The following POLE2 variants were observed in gnomAD, a reference collection of about 807,000 sequenced individuals.
POLE2 encodes DNA polymerase epsilon 2, accessory subunit.
POLE2 carries 56 observed loss-of-function variants against 79.4 expected under a neutral mutation model. The ratio of observed to expected loss-of-function variants is 0.71; its 90% confidence interval spans 0.57 to 0.88. The LOEUF is 0.88. POLE2 is among the 40% of genes least tolerant of loss of function. The pLI is 0.00. For missense variants in POLE2, 598 were observed against 638.9 expected (o/e 0.94, Z 0.69); for synonymous variants, 212 against 214.0 (o/e 0.99, Z 0.08).
At chr14:49,671,460 AC>A (rs1885884321) in intron 5 of POLE2, among the ~76,000 whole-genome samples, 1 of 151,940 alleles carries the variant, frequency 6.6e-6, no homozygotes, top group African/African-American at 2.4e-5. Context: ...TACTAAAAAT[AC>A]AAAAAATTAG....
chr14:49,664,366 A>G (rs539095134), intron 9 of POLE2, among the ~76,000 whole-genome samples: 12 of 152,078 alleles, frequency 7.9e-5, no homozygotes, highest in African/African-American at 2.2e-4. Context: ...AAAAGAAAAA[A>G]AAAAAAAAGG....
intron 3 of POLE2, among the ~76,000 whole-genome samples, chr14:49,676,827 C>T: frequency 6.6e-6 from 1 of 152,208 alleles, no homozygotes; most frequent in Non-Finnish European, 1.5e-5. Flanking sequence ...AGGCACCTGA[C>T]CCCACCCTTG....
intron 13 of POLE2, 186 bp from the exon 14 acceptor site, chr14:49,654,400 C>A: frequency 1.8e-6 from 1 of 570,020 alleles, no homozygotes; most frequent in South Asian, 2.5e-5. Context: ...TAGAAAAGTT[C>A]TATATCTGCA....
At chr14:49,670,616 G>T (rs891144119) in intron 5 of POLE2, among the ~76,000 whole-genome samples, 1 of 152,200 alleles carries the variant, frequency 6.6e-6, no homozygotes, top group African/African-American at 2.4e-5. Context: ...ATGAGCAAGT[G>T]CTTCAAGGTA....
Position 49,664,683 on chromosome 14 carries a change from C to T in POLE2, c.634-9G>A, listed in dbSNP as rs1566548566. 6.4e-7 allele frequency: 1 copy of T among 1,553,012 alleles called. No homozygotes were observed. Among genetic ancestry groups the T allele is most frequent in the Non-Finnish European group, 8.9e-7 (1 of 1,125,420 alleles). On this transcript the variant is annotated splice_polypyrimidine_tract_variant and intron_variant, in intron 8 of 18. Coordinates refer to ENST00000216367, the MANE Select transcript of POLE2 (RefSeq NM_002692.4). ...AAACCACTATGGAACTGGTACACAA[C>T]AGTTGAGGAAAATAATTCTATTCTT... is the stretch of plus-strand genomic sequence containing the variant.
intron 7 of POLE2, among the ~76,000 whole-genome samples, chr14:49,665,765 G>A (rs1420890053): frequency 7.0e-6 from 1 of 143,754 alleles, no homozygotes; most frequent in Non-Finnish European, 1.5e-5. Context: ...TTACGTCATT[G>A]TAAAACAGGC....
chr14:49,684,702 G>A (rs965929006), intron 1 of POLE2: 3 of 150,090 alleles, frequency 2.0e-5, no homozygotes, highest in Admixed American at 6.7e-5. Flanking sequence ...CTGGGCACGC[G>A]GTGGCTCACG....
chr14:49,686,671 T>C (rs1887161776), intron 1 of POLE2, among the ~76,000 whole-genome samples: 1 of 152,216 alleles, frequency 6.6e-6, no homozygotes, highest in Non-Finnish European at 1.5e-5. Context: ...TGCTCTCTAT[T>C]GCACCCCCTT....
At chr14:49,643,701 G>A (rs1311118803) in intron 18 of POLE2, 31 bp from the exon 19 acceptor site, 4 of 1,184,046 alleles carry the variant, frequency 3.4e-6, no homozygotes, top group Admixed American at 2.1e-5. Flanking sequence ...TAAATATTTG[G>A]AAACCTAAGT....
At chr14:49,657,480 T>TG (rs1242561541) in intron 10 of POLE2, among the ~76,000 whole-genome samples, 1 of 151,804 alleles carries the variant, frequency 6.6e-6, no homozygotes, top group Non-Finnish European at 1.5e-5. Flanking sequence ...TCTCCCAGGC[T>TG]GGAGTGCAGT....
chr14:49,686,122 A>T (rs1422945736), intron 1 of POLE2, among the ~76,000 whole-genome samples: 1 of 152,190 alleles, frequency 6.6e-6, no homozygotes, highest in Non-Finnish European at 1.5e-5. Context: ...ATGGCCCCTA[A>T]TAATCCATTA....
intron 10 of POLE2, among the ~76,000 whole-genome samples, chr14:49,661,776 T>C (rs1381460839): frequency 1.3e-5 from 2 of 152,222 alleles, no homozygotes; most frequent in Non-Finnish European, 2.9e-5. Context: ...AGAAAATTTA[T>C]AATCCTAACA....
At chr14:49,687,300 C>CCACACACACACACACA (rs60811856) in intron 1 of POLE2, among the ~76,000 whole-genome samples, 5 of 139,744 alleles carry the variant, frequency 3.6e-5, no homozygotes, top group Non-Finnish European at 6.1e-5. Context: ...TACACACACA[C>CCACACACACACACACA]CACACACACA....
intron 3 of POLE2, among the ~76,000 whole-genome samples, chr14:49,678,354 C>G (rs1208826072): frequency 3.3e-5 from 5 of 151,898 alleles, no homozygotes; most frequent in Middle Eastern, 3.2e-3. Flanking sequence ...AGGGGCTTTA[C>G]TGAGTGGGGG....
chr14:49,655,444 T>C (rs1884584685), intron 11 of POLE2, among the ~76,000 whole-genome samples: 1 of 145,690 alleles, frequency 6.9e-6, no homozygotes, highest in South Asian at 2.1e-4. Context: ...TAATTCTTAC[T>C]TATCATGACT....
chr14:49,663,747 G>A (rs912985244), intron 9 of POLE2, among the ~76,000 whole-genome samples: 1 of 152,054 alleles, frequency 6.6e-6, no homozygotes, highest in Admixed American at 6.6e-5. Flanking sequence ...TATAATTCAG[G>A]GCCGGGTGCA....
At chr14:49,674,504 AT>A in intron 3 of POLE2, 77 bp from the exon 4 acceptor site, 1 of 842,304 alleles carries the variant, frequency 1.2e-6, no homozygotes, top group East Asian at 2.5e-5. Context: ...AACTTGCATT[AT>A]AAGTATTTGT....
At chr14:49,665,808 A>C (rs1413111522) in intron 7 of POLE2, among the ~76,000 whole-genome samples, 1 of 151,752 alleles carries the variant, frequency 6.6e-6, no homozygotes, top group Non-Finnish European at 1.5e-5. Context: ...TTCTCTGCTG[A>C]ACAGCCATTA....
At chr14:49,654,115 A>C in intron 14 of POLE2, 40 bp downstream of exon 14, 2 of 1,593,564 alleles carry the variant, frequency 1.3e-6, no homozygotes, top group Non-Finnish European at 1.7e-6. Flanking sequence ...AAGTTTTACA[A>C]AATTTTCTAC....
Sources: allele counts gnomAD v4.1 joint callset (sites outside exome capture counted in the v4.1 genomes callset), GRCh38; gene constraint gnomAD v4.1.1; transcripts MANE v1.5; gene names NCBI Gene and HGNC (gene_info 2026-07-23, HGNC 2026-07-21).